UNC5D: variants seen among roughly 807,000 people sequenced by gnomAD.
The protein encoded by UNC5D is netrin receptor UNC5D.
In UNC5D, 39 loss-of-function variants were observed where a neutral mutation model predicts 105.4. That is an observed-to-expected ratio of 0.37 (90% CI 0.29 to 0.48). UNC5D has a LOEUF of 0.48. UNC5D is among the 20% of genes least tolerant of loss of function. The pLI is 0.98. For synonymous variants in UNC5D, 452 were observed against 450.4 expected (o/e 1.00, Z -0.04); for missense variants, 991 against 1,202.4 (o/e 0.82, Z 2.60).
At chr8:35,387,537 CTTTAATA>C (rs1265067482) in intron 1 of UNC5D, among the ~76,000 whole-genome samples, 2 of 152,052 alleles carry the variant, frequency 1.3e-5, no homozygotes, top group Non-Finnish European at 2.9e-5. Context: ...CTGGAACCTT[CTTTAATA>C]TTTAATAATT....
At chr8:35,314,880 G>C (rs1208149650) in intron 1 of UNC5D, among the ~76,000 whole-genome samples, 1 of 152,140 alleles carries the variant, frequency 6.6e-6, no homozygotes, top group Non-Finnish European at 1.5e-5. Flanking sequence ...TGGAACTCTT[G>C]AGAATTCACA....
chr8:35,553,283 C>T (rs1384862850), intron 2 of UNC5D, among the ~76,000 whole-genome samples: 1 of 151,996 alleles, frequency 6.6e-6, no homozygotes, highest in East Asian at 1.9e-4. Flanking sequence ...CTAGGCAACT[C>T]CATGTCATGT....
intron 1 of UNC5D, among the ~76,000 whole-genome samples, chr8:35,245,925 A>G (rs539239662): frequency 5.3e-5 from 8 of 152,276 alleles, no homozygotes; most frequent in African/African-American, 1.9e-4. Flanking sequence ...TGTAATCACA[A>G]TTTTGACTCA....
In UNC5D at chr8:35,401,451, T is replaced by C. The variant is rs1451088460; in HGVS notation, c.104-147841T>C. ...GTGAGCCGAGATCCGGCCACTGCAC[T>C]CCAGCCTGGACAACAGAGCAGGACT... On this transcript the variant is annotated intron_variant, in intron 1 of 16. Transcript: ENST00000404895. Among the ~76,000 whole-genome samples, 3 of 152,304 alleles carry C rather than the reference T, an allele frequency of 2.0e-5. No homozygotes were observed. The South Asian group carries it at 6.2e-4, about 32-fold the overall frequency.
intron 1 of UNC5D, among the ~76,000 whole-genome samples, chr8:35,414,835 T>C (rs1385644336): frequency 6.6e-6 from 1 of 152,122 alleles, no homozygotes; most frequent in Admixed American, 6.6e-5. Context: ...ATAATAAACT[T>C]AATTTCTTTT....
intron 1 of UNC5D, among the ~76,000 whole-genome samples, chr8:35,409,209 C>T (rs907888907): frequency 2.0e-5 from 3 of 151,982 alleles, no homozygotes; most frequent in Non-Finnish European, 4.4e-5. Flanking sequence ...TAAAAATTCT[C>T]ACATGGGTTT....
chr8:35,468,084 A>G (rs1809440059), intron 1 of UNC5D, among the ~76,000 whole-genome samples: 2 of 152,208 alleles, frequency 1.3e-5, no homozygotes, highest in Non-Finnish European at 2.9e-5. Context: ...TGCTTTTACT[A>G]TGAATTAGAT....
At chr8:35,341,109 C>A (rs907775405) in intron 1 of UNC5D, among the ~76,000 whole-genome samples, 1 of 152,060 alleles carries the variant, frequency 6.6e-6, no homozygotes, top group African/African-American at 2.4e-5. Flanking sequence ...AGCTAAATCA[C>A]AAAGATATCA....
intron 11 of UNC5D, among the ~76,000 whole-genome samples, chr8:35,745,343 C>T (rs1257628177): frequency 6.6e-6 from 1 of 152,082 alleles, no homozygotes; most frequent in Non-Finnish European, 1.5e-5. Flanking sequence ...GGCAGCACTC[C>T]AGAGTACGAA....
rs374637763 is a variant in UNC5D, at chr8:35,769,866, A to G, written c.2478+2800A>G. On this transcript the variant is annotated intron_variant, in intron 15 of 16. Coordinates refer to ENST00000404895, the MANE Select transcript of UNC5D (RefSeq NM_080872.4). ...TAGTCCCAGCTACTCGGGAGGCTGA[A>G]ACAGGAGAATTGCTTGAACCCAGAA... Among the ~76,000 whole-genome samples the G allele has an allele frequency of 9.9e-5, 15 of 152,190 alleles. No homozygotes were observed. The East Asian group carries it at 2.1e-3, about 22-fold the overall frequency.
At chr8:35,654,461 T>C (rs1426183928) in intron 4 of UNC5D, among the ~76,000 whole-genome samples, 4 of 152,146 alleles carry the variant, frequency 2.6e-5, no homozygotes, top group East Asian at 3.9e-4. Context: ...AGTTCAGGCT[T>C]TGTCCCCTGT....
chr8:35,385,372 C>G (rs1404948509), intron 1 of UNC5D, among the ~76,000 whole-genome samples: 2 of 151,848 alleles, frequency 1.3e-5, no homozygotes, highest in Non-Finnish European at 2.9e-5. Flanking sequence ...CTATCTGAAT[C>G]CTACATGCCA....
intron 1 of UNC5D, among the ~76,000 whole-genome samples, chr8:35,532,115 T>G (rs1471074105): frequency 2.1e-5 from 3 of 144,514 alleles, no homozygotes; most frequent in African/African-American, 8.0e-5. Flanking sequence ...ATTTTGCTCG[T>G]TAGTTGATGC....
intron 1 of UNC5D, among the ~76,000 whole-genome samples, chr8:35,352,050 T>C (rs1445495282): frequency 2.0e-5 from 3 of 152,106 alleles, no homozygotes; most frequent in East Asian, 3.9e-4. Context: ...AGTACACATA[T>C]AAGCATTTAC....
chr8:35,613,840 C>T (rs1295281715), intron 4 of UNC5D, among the ~76,000 whole-genome samples: 1 of 152,182 alleles, frequency 6.6e-6, no homozygotes, highest in Non-Finnish European at 1.5e-5. Context: ...CAGAGCAAAA[C>T]TGTCTCAAAA....
intron 4 of UNC5D, among the ~76,000 whole-genome samples, chr8:35,648,082 C>T (rs1258351013): frequency 6.6e-6 from 1 of 152,106 alleles, no homozygotes; most frequent in African/African-American, 2.4e-5. Context: ...AATCTGGAGT[C>T]CTCTGCAAAC....
At chr8:35,343,557 G>T (rs1811605002) in intron 1 of UNC5D, among the ~76,000 whole-genome samples, 1 of 151,986 alleles carries the variant, frequency 6.6e-6, no homozygotes, top group Non-Finnish European at 1.5e-5. Flanking sequence ...GGTAAAATAA[G>T]TCATCCATTT....
At chr8:35,261,675 C>T (rs571417493) in intron 1 of UNC5D, among the ~76,000 whole-genome samples, 28 of 151,992 alleles carry the variant, frequency 1.8e-4, no homozygotes, top group African/African-American at 4.1e-4. Context: ...GGCTCATTAC[C>T]GATTCAGGAT....
intron 16 of UNC5D, among the ~76,000 whole-genome samples, chr8:35,788,679 G>T (rs998378547): frequency 6.7e-6 from 1 of 148,806 alleles, no homozygotes; most frequent in African/African-American, 2.6e-5. Context: ...GTCAAATTGG[G>T]AAGGCAGAAA....
Sources: allele counts gnomAD v4.1 joint callset (sites outside exome capture counted in the v4.1 genomes callset), GRCh38; gene constraint gnomAD v4.1.1; transcripts MANE v1.5; gene names NCBI Gene and HGNC (gene_info 2026-07-23, HGNC 2026-07-21).